The following B3GALT1 variants were observed in gnomAD, a reference collection of about 807,000 sequenced individuals.
B3GALT1 encodes the protein beta-1,3-galactosyltransferase 1, also known as UDP-Gal:betaGlcNAc beta 1,3-galactosyltransferase, polypeptide 1.
A neutral mutation model predicts 23.2 loss-of-function variants in B3GALT1; 10 were observed. The observed-to-expected ratio is 0.43, with a 90% confidence interval of 0.27 to 0.73. The LOEUF is 0.73. Ranked by LOEUF, B3GALT1 falls within the 30% of genes least tolerant of loss-of-function variation. The pLI is 0.21. For synonymous variants in B3GALT1, 156 were observed against 141.5 expected, an observed-to-expected ratio of 1.10 and a Z score of -0.73; for missense variants, 299 against 405.4, an observed-to-expected ratio of 0.74 and a Z score of 2.25.
intron 1 of B3GALT1, among the ~76,000 whole-genome samples, chr2:167,351,068 G>A (rs913481983): frequency 1.3e-5 from 2 of 151,932 alleles, no homozygotes; most frequent in Non-Finnish European, 2.9e-5. Flanking sequence ...CAGGAGTTCG[G>A]GAGCAGTCTG....
chr2:167,547,664 G>A (rs147973587), intron 2 of B3GALT1, among the ~76,000 whole-genome samples: 1,586 of 146,120 alleles, frequency 0.011, 31 homozygotes, highest in African/African-American at 0.04. Context: ...ACTGTACTCC[G>A]GCCTGGGCAA....
At chr2:167,617,366 C>G (rs1419543128) in intron 2 of B3GALT1, among the ~76,000 whole-genome samples, 3 of 152,106 alleles carry the variant, frequency 2.0e-5, no homozygotes, top group African/African-American at 7.2e-5. Context: ...CATATTCACT[C>G]TTAAACCTAT....
chr2:167,445,269 A>C (rs1036819493), intron 1 of B3GALT1, among the ~76,000 whole-genome samples: 6 of 152,178 alleles, frequency 3.9e-5, no homozygotes, highest in African/African-American at 1.2e-4. Context: ...TTTGCTGAGG[A>C]GTGCTTTACT....
intron 3 of B3GALT1, among the ~76,000 whole-genome samples, chr2:167,814,008 ATGAC>A (rs1688942123): frequency 6.6e-6 from 1 of 152,316 alleles, no homozygotes; most frequent in East Asian, 1.9e-4. Flanking sequence ...AAAATCTTTT[ATGAC>A]TTCATTAAAC....
At chr2:167,336,202 T>A (rs1280219511) in intron 1 of B3GALT1, among the ~76,000 whole-genome samples, 1 of 152,130 alleles carries the variant, frequency 6.6e-6, no homozygotes, top group Admixed American at 6.6e-5. Context: ...TTTCTACATA[T>A]CAACCTGAAT....
chr2:167,544,072 C>G (rs185938086), intron 2 of B3GALT1, among the ~76,000 whole-genome samples: 1 of 152,280 alleles, frequency 6.6e-6, no homozygotes, highest in East Asian at 1.9e-4. Flanking sequence ...AATATACTTT[C>G]TTATTAGGAG....
intron 1 of B3GALT1, among the ~76,000 whole-genome samples, chr2:167,320,461 A>AT (rs1439837321): frequency 2.0e-5 from 3 of 151,988 alleles, no homozygotes; most frequent in Admixed American, 6.5e-5. Context: ...GAGTGCTGGG[A>AT]TTACAGGTGT....
At chr2:167,810,266 C>A (rs1388112120) in intron 3 of B3GALT1, among the ~76,000 whole-genome samples, 3 of 150,936 alleles carry the variant, frequency 2.0e-5, no homozygotes, top group Non-Finnish European at 4.4e-5. Flanking sequence ...GGCTCACACT[C>A]AGTGCACTGC....
chr2:167,718,828 A>G (rs1279611854), intron 3 of B3GALT1, among the ~76,000 whole-genome samples: 1 of 152,040 alleles, frequency 6.6e-6, no homozygotes, highest in Non-Finnish European at 1.5e-5. Context: ...AAGGAGGGAG[A>G]AGGTCAGAAA....
intron 1 of B3GALT1, among the ~76,000 whole-genome samples, chr2:167,370,264 A>T (rs547647996): frequency 6.5e-4 from 99 of 152,162 alleles, no homozygotes; most frequent in Non-Finnish European, 1.3e-3. Flanking sequence ...TGTCCATTGA[A>T]CTGTTGTGCC....
intron 1 of B3GALT1, among the ~76,000 whole-genome samples, chr2:167,438,742 A>G (rs1472149814): frequency 6.6e-6 from 1 of 152,214 alleles, no homozygotes; most frequent in Non-Finnish European, 1.5e-5. Context: ...GAGCTAGAAA[A>G]CTACTGATTC....
chr2:167,499,034 G>T (rs1699813272), intron 2 of B3GALT1, among the ~76,000 whole-genome samples: 1 of 152,068 alleles, frequency 6.6e-6, no homozygotes, highest in Non-Finnish European at 1.5e-5. Context: ...TGAGTTGGTG[G>T]TTACACTTTT....
At chr2:167,575,209 A>G (rs76945369) in intron 2 of B3GALT1, among the ~76,000 whole-genome samples, 1,766 of 151,920 alleles carry the variant, frequency 0.012, 27 homozygotes, top group African/African-American at 0.04. Flanking sequence ...GCTAAAATAA[A>G]ACATTGCTAT....
chr2:167,430,403 A>G (rs932504681), intron 1 of B3GALT1, among the ~76,000 whole-genome samples: 2 of 152,198 alleles, frequency 1.3e-5, no homozygotes, highest in African/African-American at 4.8e-5. Flanking sequence ...GAGCAGAGGC[A>G]TGATATGATC....
chr2:167,525,762 C>T (rs913956232), intron 2 of B3GALT1, among the ~76,000 whole-genome samples: 11 of 148,134 alleles, frequency 7.4e-5, no homozygotes, highest in Admixed American at 2.0e-4. Context: ...TGCATGCCAC[C>T]ACACCTGGCT....
chr2:167,471,476 G>A (rs934210892), intron 1 of B3GALT1, among the ~76,000 whole-genome samples: 1 of 152,180 alleles, frequency 6.6e-6, no homozygotes, highest in Non-Finnish European at 1.5e-5. Context: ...TGTAGAAACT[G>A]AGATTTTGGC....
At chr2:167,376,344 G>T (rs940305333) in intron 1 of B3GALT1, among the ~76,000 whole-genome samples, 2 of 151,986 alleles carry the variant, frequency 1.3e-5, no homozygotes, top group East Asian at 1.9e-4. Context: ...TGTTGTCAGG[G>T]TGTTGCTGGC....
intron 3 of B3GALT1, among the ~76,000 whole-genome samples, chr2:167,711,688 G>T (rs1330702256): frequency 6.6e-6 from 1 of 152,084 alleles, no homozygotes; most frequent in Non-Finnish European, 1.5e-5. Flanking sequence ...ATTCCAACTG[G>T]GAGTGGTGAC....
At chr2:167,860,954 A>C (rs1264171131) in intron 4 of B3GALT1, among the ~76,000 whole-genome samples, 2 of 151,862 alleles carry the variant, frequency 1.3e-5, no homozygotes, top group Non-Finnish European at 2.9e-5. Context: ...CTAATTACAA[A>C]TTTTTCAACC....
Sources: allele counts gnomAD v4.1 joint callset (sites outside exome capture counted in the v4.1 genomes callset), GRCh38; gene constraint gnomAD v4.1.1; transcripts MANE v1.5; gene names NCBI Gene and HGNC (gene_info 2026-07-23, HGNC 2026-07-21).